The following PDE3B variants were observed in gnomAD, a reference collection of about 807,000 sequenced individuals.
The protein encoded by PDE3B is phosphodiesterase 3B.
Under a neutral mutation model 116.8 loss-of-function variants are expected in PDE3B, and 66 were observed. The observed-to-expected ratio is 0.56, with a 90% CI of 0.46 to 0.69. The LOEUF (loss-of-function observed/expected upper bound fraction) is 0.69, where lower values mean the gene tolerates loss of function less well. Among genes scored for constraint, PDE3B ranks in the 30% least tolerant of loss-of-function variants. The pLI is 0.00. For synonymous variants in PDE3B, 595 were observed against 533.6 expected (o/e 1.12, Z -1.59); for missense variants, 1,384 against 1,368.1 (o/e 1.01, Z -0.18).
chr11:14,803,391 GA>G (rs1858828920), intron 4 of PDE3B, among the ~76,000 whole-genome samples: 1 of 152,092 alleles, frequency 6.6e-6, no homozygotes, highest in South Asian at 2.1e-4. Flanking sequence ...ATAGGGAACA[GA>G]AAAAAATGAA....
At chr11:14,799,606 C>G (rs1858677971) in intron 4 of PDE3B, among the ~76,000 whole-genome samples, 1 of 152,042 alleles carries the variant, frequency 6.6e-6, no homozygotes, top group South Asian at 2.1e-4. Context: ...CTTTATGAAT[C>G]TCGGTGCTCT....
At chr11:14,697,041 A>G (rs1264345693) in intron 1 of PDE3B, among the ~76,000 whole-genome samples, 1 of 151,946 alleles carries the variant, frequency 6.6e-6, no homozygotes, top group African/African-American at 2.4e-5. Context: ...GGCTCAAGTG[A>G]GCCTCCTGCC....
intron 1 of PDE3B, among the ~76,000 whole-genome samples, chr11:14,702,119 C>G (rs1855382168): frequency 6.6e-6 from 1 of 151,188 alleles, no homozygotes; most frequent in African/African-American, 2.4e-5. Flanking sequence ...ATCTCTTAGG[C>G]TTTTTGTCTT....
At chr11:14,827,055 C>T (rs1799866922) in intron 7 of PDE3B, among the ~76,000 whole-genome samples, 1 of 152,102 alleles carries the variant, frequency 6.6e-6, no homozygotes, top group Admixed American at 6.5e-5. Flanking sequence ...ATAAACAGAA[C>T]TAAAGACAAA....
intron 1 of PDE3B, among the ~76,000 whole-genome samples, chr11:14,693,166 G>C (rs1419694222): frequency 2.6e-5 from 4 of 152,202 alleles, no homozygotes; most frequent in Admixed American, 2.6e-4. Context: ...AGAGAAGTAA[G>C]GAAGCTGCAG....
chr11:14,732,183 G>A (rs1856476581), intron 1 of PDE3B, among the ~76,000 whole-genome samples: 1 of 152,178 alleles, frequency 6.6e-6, no homozygotes, highest in Non-Finnish European at 1.5e-5. Flanking sequence ...GGTGAGGCAA[G>A]GTGCAGGTGG....
intron 1 of PDE3B, among the ~76,000 whole-genome samples, chr11:14,744,088 A>G (rs1191426380): frequency 2.0e-5 from 3 of 152,188 alleles, no homozygotes; most frequent in African/African-American, 4.8e-5. Context: ...TCAGTTGACC[A>G]CAGATATATA....
chr11:14,887,200 C>T, the PDE3B span: 1 of 152,172 alleles, frequency 6.6e-6, no homozygotes, highest in Admixed American at 6.5e-5. Context: ...AGTAAAAGAG[C>T]CATGAACTTA....
chr11:14,708,203 A>G (rs956072471), intron 1 of PDE3B, among the ~76,000 whole-genome samples: 1 of 151,898 alleles, frequency 6.6e-6, no homozygotes, highest in African/African-American at 2.4e-5. Flanking sequence ...AGAGCCTGGT[A>G]CTTCCTTCCA....
intron 1 of PDE3B, among the ~76,000 whole-genome samples, chr11:14,663,563 G>A (rs891394827): frequency 8.9e-5 from 13 of 146,128 alleles, no homozygotes; most frequent in African/African-American, 1.1e-4. Flanking sequence ...CAAAATAAAA[G>A]GAAGGAGGAA....
chr11:14,689,815 A>G (rs972383484), intron 1 of PDE3B, among the ~76,000 whole-genome samples: 2 of 152,194 alleles, frequency 1.3e-5, no homozygotes, highest in Admixed American at 1.3e-4. Context: ...TGTAGGAGGA[A>G]GGTTTTCACA....
intron 2 of PDE3B, among the ~76,000 whole-genome samples, chr11:14,781,002 G>A (rs1294417659): frequency 3.3e-5 from 5 of 152,082 alleles, no homozygotes; most frequent in Admixed American, 3.3e-4. Flanking sequence ...ATCCTACAGA[G>A]ATACAAACTA....
chr11:14,771,812 A>G (rs977311609), intron 1 of PDE3B, 125 bp from the exon 2 acceptor site: 5 of 399,958 alleles, frequency 1.3e-5, no homozygotes, highest in Non-Finnish European at 1.8e-5. Flanking sequence ...TATTTTCACC[A>G]TTCCAATATC....
chr11:14,729,914 TA>T (rs1177333116), intron 1 of PDE3B, among the ~76,000 whole-genome samples: 3 of 149,438 alleles, frequency 2.0e-5, no homozygotes, highest in Non-Finnish European at 3.0e-5. Flanking sequence ...TTTTAAGAAC[TA>T]AAAAAAAAAT....
chr11:14,760,770 C>G (rs1043775402), intron 1 of PDE3B, among the ~76,000 whole-genome samples: 11 of 152,022 alleles, frequency 7.2e-5, no homozygotes, highest in African/African-American at 2.2e-4. Context: ...TATACATATT[C>G]TTTTGGAACA....
chr11:14,717,628 A>G (rs1413385044), intron 1 of PDE3B, among the ~76,000 whole-genome samples: 23 of 106,858 alleles, frequency 2.2e-4, no homozygotes, highest in African/African-American at 7.9e-4. Flanking sequence ...ACATTCTTAA[A>G]GAAAAGAATT....
chr11:14,891,753 G>A, the PDE3B span: 1 of 1,368,660 alleles, frequency 7.3e-7, no homozygotes, highest in African/African-American at 1.5e-5. Context: ...CGGAGCCTCG[G>A]CCCGGAGTGG....
chr11:14,897,869 G>A, the PDE3B span, among the ~76,000 whole-genome samples: 1 of 152,098 alleles, frequency 6.6e-6, no homozygotes, highest in Non-Finnish European at 1.5e-5. Flanking sequence ...CTCTACCTGT[G>A]AGCCCCTCCA....
chr11:14,710,016 T>G (rs1391734303), intron 1 of PDE3B, among the ~76,000 whole-genome samples: 2 of 152,204 alleles, frequency 1.3e-5, no homozygotes, highest in African/African-American at 2.4e-5. Context: ...GTCATTTGTC[T>G]TGGGGAAAAG....
Sources: gnomAD v4.1 joint callset for allele counts (sites outside exome capture counted in the v4.1 genomes callset) on GRCh38, gnomAD v4.1.1 for gene constraint, MANE v1.5 for transcripts, NCBI Gene and HGNC (gene_info 2026-07-23, HGNC 2026-07-21) for gene names.